The following TP53INP1 variants were observed in gnomAD, a reference collection of about 807,000 sequenced individuals.
TP53INP1 encodes the protein tumor protein p53 inducible nuclear protein 1, also known as tumor protein p53-inducible nuclear protein 1.
A neutral mutation model predicts 21.0 loss-of-function variants in TP53INP1; 12 were observed. The ratio of observed to expected loss-of-function variants is 0.57; its 90% CI spans 0.37 to 0.93. TP53INP1 has a LOEUF of 0.93. Among genes scored for constraint, TP53INP1 ranks in the 40% least tolerant of loss-of-function variants. TP53INP1 has a pLI of 0.01. For missense variants in TP53INP1, 274 were observed against 294.7 expected (o/e 0.93, Z 0.51); for synonymous variants, 91 against 94.8 (o/e 0.96, Z 0.23).
chr8:94,940,291 G>A (rs1821403548), intron 2 of TP53INP1, 71 bp from the exon 3 acceptor site: 1 of 1,500,310 alleles, frequency 6.7e-7, no homozygotes, highest in Non-Finnish European at 8.9e-7. Context: ...TTATCACATT[G>A]GGCAGTCATT....
chr8:94,939,771 A>G, intron 3 of TP53INP1, 89 bp downstream of exon 3: 3 of 1,530,552 alleles, frequency 2.0e-6, no homozygotes, highest in Non-Finnish European at 2.6e-6. Context: ...TTAGTTTTGC[A>G]TCTTCTAATA....
At chr8:94,932,102 C>T (rs1820468629) in intron 3 of TP53INP1, 1 of 1,610,010 alleles carries the variant, frequency 6.2e-7, no homozygotes, top group Non-Finnish European at 8.5e-7. Context: ...GCAGCTTTTC[C>T]TGGCCCTACA....
chr8:94,927,709 T>C lies in TP53INP1; in HGVS notation c.*2770A>G, dbSNP rs377132246. The C allele has an allele frequency of 6.6e-6, 1 of 152,268 alleles. No individual in the cohort carries two copies. Among genetic ancestry groups the C allele is most frequent in the Admixed American group, 6.5e-5 (1 of 15,272 alleles). The allele number at this position is 152,268 out of a possible 1,614,324, so 9.4% of individuals were successfully genotyped here. A position where few individuals can be genotyped will look rare whatever the true frequency, so the allele number is the denominator to read the frequency against. Reference sequence around the variant, plus strand: ...AATGTTTTGTCAACAAAAACAAACTTTGAGAAACATGGCGCACTATAAAAG... The same window carrying C: ...AATGTTTTGTCAACAAAAACAAACTCTGAGAAACATGGCGCACTATAAAAG... On this transcript the variant is annotated 3_prime_UTR_variant, in exon 4 of 4. Coordinates refer to ENST00000342697, the MANE Select transcript of TP53INP1 (RefSeq NM_033285.4).
At chr8:94,932,160 A>C (rs1270565998) in intron 3 of TP53INP1, 8 of 1,568,294 alleles carry the variant, frequency 5.1e-6, no homozygotes, top group Non-Finnish European at 7.0e-6. Context: ...TTAAAATGCT[A>C]TTGTAACTTT....
chr8:94,939,312 A>C (rs1003197397), intron 3 of TP53INP1, among the ~76,000 whole-genome samples: 2 of 152,230 alleles, frequency 1.3e-5, no homozygotes, highest in African/African-American at 4.8e-5. Flanking sequence ...TCTTATTTCT[A>C]ATCAGTAGCA....
chr8:94,931,089 C>A (rs749966192), intron 3 of TP53INP1, among the ~76,000 whole-genome samples: 1 of 152,168 alleles, frequency 6.6e-6, no homozygotes, highest in Non-Finnish European at 1.5e-5. Context: ...AATTCTTTTG[C>A]AAATATATAT....
chr8:94,935,171 A>G (rs985118034), intron 3 of TP53INP1, among the ~76,000 whole-genome samples: 4 of 151,906 alleles, frequency 2.6e-5, no homozygotes, highest in African/African-American at 9.7e-5. Context: ...ATAGATAGAT[A>G]GATATAATAC....
chr8:94,930,368 G>A lies in TP53INP1; in HGVS notation c.*111C>T, dbSNP rs1820270568. On this transcript the variant is annotated 3_prime_UTR_variant, in exon 4 of 4. Transcript: ENST00000342697. ...TGTCTAAATACACTGATAAAACTATGTGATTGGTTATCAATTGGTTGTAAA... is the reference window on the plus strand; with the variant it reads ...TGTCTAAATACACTGATAAAACTATATGATTGGTTATCAATTGGTTGTAAA... 9 of 1,426,264 alleles carry A rather than the reference G, an allele frequency of 6.3e-6. No individual in the cohort carries two copies. The South Asian group carries it at 1.1e-4, about 17-fold the overall frequency. The allele number at this position is 1,426,264 out of a possible 1,614,324, so 88.4% of individuals were successfully genotyped here. A position where few individuals can be genotyped will look rare whatever the true frequency, so the allele number is the denominator to read the frequency against.
Position 94,926,500 on chromosome 8 carries a change from A to G in TP53INP1, c.*3979T>C, listed in dbSNP as rs1266984522. On this transcript the variant is annotated 3_prime_UTR_variant, in exon 4 of 4. Transcript: ENST00000342697. ...CAAGCAAAACCACTCATACACTCCA[A>G]GCCTGAAACACACATCTAACCTCCC... 1 of 152,056 alleles carries G rather than the reference A, an allele frequency of 6.6e-6. No homozygotes were observed. The highest frequency in any genetic ancestry group is 2.4e-5 in the African/African-American group (1 of 41,364). 9.4% of individuals were successfully genotyped at this position (152,056 alleles called of 1,614,324 possible).
intron 2 of TP53INP1, 42 bp downstream of exon 2, chr8:94,940,788 T>A: frequency 6.8e-7 from 1 of 1,474,710 alleles, no homozygotes; most frequent in Non-Finnish European, 9.4e-7. Flanking sequence ...GTTTCCATTT[T>A]TACTGTGAAG....
chr8:94,930,307 G>A lies in TP53INP1; in HGVS notation c.*172C>T. 1 of 855,786 alleles carries A rather than the reference G, an allele frequency of 1.2e-6. No homozygotes were observed. Among genetic ancestry groups the A allele is most frequent in the Non-Finnish European group, 1.8e-6 (1 of 561,040 alleles). 53.0% of individuals were successfully genotyped at this position (855,786 alleles called of 1,614,324 possible). The stretch of plus-strand genomic sequence containing the variant: ...GTAAATGTTAAAGGCAAGGCATTAT[G>A]TGATACACAGCATATAAATCTGATT... On this transcript the variant is annotated 3_prime_UTR_variant, in exon 4 of 4. Coordinates refer to ENST00000342697, the MANE Select transcript of TP53INP1 (RefSeq NM_033285.4).
chr8:94,935,477 A>G (rs540457406), intron 3 of TP53INP1, among the ~76,000 whole-genome samples: 1 of 152,250 alleles, frequency 6.6e-6, no homozygotes, highest in African/African-American at 2.4e-5. Context: ...GGAAACTTAA[A>G]AAGCCAGAAG....
intron 1 of TP53INP1, 32 bp from the exon 2 acceptor site, chr8:94,941,123 A>G: frequency 3.4e-6 from 2 of 584,472 alleles, no homozygotes; most frequent in Non-Finnish European, 3.0e-6. Flanking sequence ...AAGTTATTTC[A>G]AATCAGCATG....
At chr8:94,935,119 G>GTACA in intron 3 of TP53INP1, among the ~76,000 whole-genome samples, 1 of 115,850 alleles carries the variant, frequency 8.6e-6, no homozygotes, top group East Asian at 2.4e-4. Flanking sequence ...AGGTACATAG[G>GTACA]TAGATAGATA....
intron 1 of TP53INP1, among the ~76,000 whole-genome samples, chr8:94,947,239 CT>C (rs1251515038): frequency 6.6e-6 from 1 of 151,372 alleles, no homozygotes; most frequent in African/African-American, 2.4e-5. Flanking sequence ...GAAAACAGCC[CT>C]TTTCAGTTAG....
intron 1 of TP53INP1, among the ~76,000 whole-genome samples, chr8:94,946,719 A>AAAAAAAAAAAAAC: frequency 6.7e-6 from 1 of 149,268 alleles, no homozygotes; most frequent in African/African-American, 2.5e-5. Flanking sequence ...AAAAAAAAAA[A>AAAAAAAAAAAAAC]AGACAGGCCC....
intron 3 of TP53INP1, chr8:94,931,992 T>C: frequency 1.4e-6 from 2 of 1,422,132 alleles, no homozygotes; most frequent in South Asian, 1.3e-5. Flanking sequence ...AGAAAGTCAT[T>C]TTTAAAAGGT....
At position 94,949,143 on chromosome 8, in the gene TP53INP1, C is replaced by CCT. The variant is rs1479330382; in HGVS notation, c.-151+10_-151+11insAG. 1 of 146,202 alleles carries CCT rather than the reference C, an allele frequency of 6.8e-6. No individual in the cohort carries two copies. Among genetic ancestry groups the CCT allele is most frequent in the Non-Finnish European group, 1.5e-5 (1 of 66,294 alleles). The allele number at this position is 146,202 out of a possible 1,614,324, so 9.1% of individuals were successfully genotyped here. Reference sequence around the variant, plus strand: ...TGGACGGACGCCCGCCCGCCCCCCCCCGGCACTTACGTGGGCCCGGGCCGT... The same window carrying CCT: ...TGGACGGACGCCCGCCCGCCCCCCCCCTCGGCACTTACGTGGGCCCGGGCCGT... On this transcript the variant is annotated intron_variant, in intron 1 of 3. Coordinates refer to ENST00000342697, the MANE Select transcript of TP53INP1 (RefSeq NM_033285.4).
rs571107869 is a variant in TP53INP1, at chr8:94,928,446, G to A, written c.*2033C>T. On this transcript the variant is annotated 3_prime_UTR_variant, in exon 4 of 4. Transcript: ENST00000342697. ...AATGCATGGCCCTATAACAAACATC[G>A]TATAAAACATACACACCTTCATGGA... 1.5e-3 allele frequency: 233 copies of A among 152,466 alleles called. No individual in the cohort carries two copies. Among genetic ancestry groups the A allele is most frequent in the Middle Eastern group, 3.4e-3 (1 of 294 alleles). 9.4% of individuals were successfully genotyped at this position (152,466 alleles called of 1,614,324 possible). A position where few individuals can be genotyped will look rare whatever the true frequency, so the allele number is the denominator to read the frequency against.
Sources: gnomAD v4.1 joint callset for allele counts (sites outside exome capture counted in the v4.1 genomes callset) on GRCh38, gnomAD v4.1.1 for gene constraint, MANE v1.5 for transcripts, NCBI Gene and HGNC (gene_info 2026-07-23, HGNC 2026-07-21) for gene names.